ANO2: variants seen among roughly 807,000 people sequenced by gnomAD.
The protein encoded by ANO2 is anoctamin 2, also known as anoctamin-2.
ANO2 carries 101 observed loss-of-function variants against 124.2 expected under a neutral mutation model. The ratio of observed to expected loss-of-function variants is 0.81; its 90% CI spans 0.69 to 0.96. The LOEUF is 0.96. Ranked by LOEUF, ANO2 falls within the 40% of genes least tolerant of loss-of-function variation. The probability of loss-of-function intolerance (pLI) is 0.00; values close to 1 mark genes in which losing one functional copy is unlikely to be tolerated. For synonymous variants in ANO2, 486 were observed against 482.5 expected (o/e 1.01, Z -0.09); for missense variants, 1,293 against 1,274.5 (o/e 1.01, Z -0.22).
At chr12:5,625,703 A>T (rs76687367) in intron 16 of ANO2, among the ~76,000 whole-genome samples, 2,647 of 152,128 alleles carry the variant, frequency 0.017, 79 homozygotes, top group African/African-American at 0.059. Flanking sequence ...AGCCTGGAGG[A>T]GTCAGCACCT....
At chr12:5,788,590 T>C (rs2137145241) in intron 10 of ANO2, among the ~76,000 whole-genome samples, 1 of 144,696 alleles carries the variant, frequency 6.9e-6, no homozygotes, top group South Asian at 2.2e-4. Flanking sequence ...AGACGGAGTC[T>C]AACTGTCACC....
chr12:5,584,627 C>T (rs1368916966), intron 20 of ANO2, among the ~76,000 whole-genome samples: 2 of 152,270 alleles, frequency 1.3e-5, no homozygotes, highest in East Asian at 3.9e-4. Context: ...ATTTCCTCAG[C>T]CCATATTTTA....
rs1183915442 is a variant in ANO2 at position 5,787,041 on chromosome 12, A to T, written c.1055+12466T>A. Among the ~76,000 whole-genome samples the T allele has an allele frequency of 3.9e-5, 6 of 152,164 alleles. No homozygotes were observed. Among genetic ancestry groups the T allele is most frequent in the Non-Finnish European group, 5.9e-5 (4 of 68,030 alleles). ...GTCCACTGGAGCACAACCTGGTGAGACCATAGGTTAGTTATGATGTCAGGG... is the reference window on the plus strand; with the variant it reads ...GTCCACTGGAGCACAACCTGGTGAGTCCATAGGTTAGTTATGATGTCAGGG... On this transcript the variant is annotated intron_variant, in intron 10 of 24. Transcript: ENST00000682330. This position sits in a 1 kb window ranked among gnomAD's most constrained non-coding sequence, Gnocchi z 4.2.
At chr12:5,751,609 G>A (rs556648122) in intron 10 of ANO2, among the ~76,000 whole-genome samples, 1 of 152,264 alleles carries the variant, frequency 6.6e-6, no homozygotes, top group African/African-American at 2.4e-5. Flanking sequence ...TGAGTTTGCA[G>A]ATAAGTATAC....
Position 5,562,975 on chromosome 12 carries a change from G to A in ANO2, c.*324C>T, listed in dbSNP as rs114239439. 733 of 306,334 alleles carry A rather than the reference G, an allele frequency of 2.4e-3. 3 individuals carry two copies. Among genetic ancestry groups the A allele is most frequent in the African/African-American group, 0.015 (704 of 47,842 alleles). The allele number at this position is 306,334 out of a possible 1,614,324, so 19.0% of individuals were successfully genotyped here. On this transcript the variant is annotated 3_prime_UTR_variant, in exon 25 of 25. Transcript: ENST00000682330. ...AAATGATGGTGAAGTACAAGAGGGTGCCCCAGGGTACATGGGAATGCTCGC... is the reference window on the plus strand; with the variant it reads ...AAATGATGGTGAAGTACAAGAGGGTACCCCAGGGTACATGGGAATGCTCGC...
At chr12:5,780,360 C>T (rs569702934) in intron 10 of ANO2, among the ~76,000 whole-genome samples, 2 of 152,236 alleles carry the variant, frequency 1.3e-5, no homozygotes, top group African/African-American at 2.4e-5. Flanking sequence ...CAACCTAACA[C>T]ATCTTATAAA....
At chr12:5,673,933 T>G (rs1325747467) in intron 14 of ANO2, among the ~76,000 whole-genome samples, 1 of 152,134 alleles carries the variant, frequency 6.6e-6, no homozygotes, top group Admixed American at 6.5e-5. Flanking sequence ...GGGCAAGGCT[T>G]GGGGAAGGAG....
intron 14 of ANO2, among the ~76,000 whole-genome samples, chr12:5,707,697 G>A (rs575372981): frequency 6.6e-5 from 10 of 152,238 alleles, no homozygotes; most frequent in South Asian, 4.1e-4. Context: ...CATACCTTCC[G>A]AGTTTATCTT....
At chr12:5,571,154 G>A (rs968742208) in intron 23 of ANO2, among the ~76,000 whole-genome samples, 1 of 152,224 alleles carries the variant, frequency 6.6e-6, no homozygotes, top group African/African-American at 2.4e-5. Flanking sequence ...GACCCGCTGG[G>A]TTGACAATGC....
chr12:5,568,401 C>CA (rs1296739655), intron 23 of ANO2, among the ~76,000 whole-genome samples: 5 of 152,076 alleles, frequency 3.3e-5, no homozygotes, highest in Non-Finnish European at 7.4e-5. Flanking sequence ...CTGGCCAACC[C>CA]ACCCTATTCT....
At position 5,895,831 on chromosome 12, in the gene ANO2, G is replaced by A. The variant is rs185844400; in HGVS notation, c.534+25209C>T. Among the ~76,000 whole-genome samples, 826 of 151,912 alleles carry A rather than the reference G, an allele frequency of 5.4e-3. 5 individuals carry two copies. Among genetic ancestry groups the A allele is most frequent in the African/African-American group, 0.019 (800 of 41,470 alleles). On this transcript the variant is annotated intron_variant, in intron 3 of 24. Transcript: ENST00000682330. ...AAGTCATTATATGAAAAACACACAC[G>A]CATGCATATGTTTACAGCAGCACAA...
At chr12:5,839,580 G>A (rs948679574) in intron 4 of ANO2, 1 of 455,992 alleles carries the variant, frequency 2.2e-6, no homozygotes, top group Admixed American at 2.3e-5. Flanking sequence ...ATTCATTCAT[G>A]GCACAAGCAT....
chr12:5,611,162 G>C (rs1468248604), intron 19 of ANO2, among the ~76,000 whole-genome samples: 1 of 151,604 alleles, frequency 6.6e-6, no homozygotes, highest in Non-Finnish European at 1.5e-5. Flanking sequence ...AGAGAGATGG[G>C]GTGTCACCAT....
intron 3 of ANO2, among the ~76,000 whole-genome samples, chr12:5,861,221 C>T (rs1955257021): frequency 6.6e-6 from 1 of 152,140 alleles, no homozygotes; most frequent in African/African-American, 2.4e-5. Flanking sequence ...TCTCCTGGCA[C>T]CAGCATTCAT....
At chr12:5,637,539 G>C (rs1344573621) in intron 15 of ANO2, among the ~76,000 whole-genome samples, 1 of 82,496 alleles carries the variant, frequency 1.2e-5, no homozygotes, top group Non-Finnish European at 2.8e-5. Context: ...AACACTCTTT[G>C]CTACTCAAAA....
chr12:5,613,683 T>A (rs549529758), intron 17 of ANO2, among the ~76,000 whole-genome samples: 103 of 152,338 alleles, frequency 6.8e-4, no homozygotes, highest in African/African-American at 2.4e-3. Context: ...GTCTTCTTGT[T>A]GTCTCCGTTC....
intron 10 of ANO2, among the ~76,000 whole-genome samples, chr12:5,792,411 C>G (rs1591622934): frequency 6.6e-6 from 1 of 152,210 alleles, no homozygotes; most frequent in East Asian, 1.9e-4. Context: ...CATTACTTTT[C>G]CTTCTGTGAA....
intron 3 of ANO2, among the ~76,000 whole-genome samples, chr12:5,868,416 T>A (rs1239276328): frequency 6.6e-6 from 1 of 152,078 alleles, no homozygotes; most frequent in East Asian, 1.9e-4. Context: ...GCCTCCTTTC[T>A]GATCAAGCAG....
At chr12:5,732,455 A>C (rs1359150247) in intron 14 of ANO2, 65 bp downstream of exon 14, 3 of 1,448,704 alleles carry the variant, frequency 2.1e-6, no homozygotes, top group Non-Finnish European at 2.8e-6. Flanking sequence ...AAGGCGTGCC[A>C]AACAAAATGA....
Sources: gnomAD v4.1 joint callset for allele counts (sites outside exome capture counted in the v4.1 genomes callset) on GRCh38, gnomAD v4.1.1 for gene constraint, Gnocchi (gnomAD v3.1) non-coding constraint, MANE v1.5 for transcripts, NCBI Gene and HGNC (gene_info 2026-07-23, HGNC 2026-07-21) for gene names.